Variants in OCIAD2 observed in about 807,000 individuals in gnomAD.
OCIAD2 encodes the protein OCIA domain containing 2.
Under a neutral mutation model 22.9 loss-of-function variants are expected in OCIAD2, and 29 were observed. That is an observed-to-expected ratio of 1.27 (90% CI 0.94 to 1.73). The LOEUF is 1.73. Among genes scored for constraint, OCIAD2 ranks in the 40% most tolerant of loss-of-function variants. OCIAD2 has a pLI of 0.00. For missense variants in OCIAD2, 189 were observed against 180.3 expected, an observed-to-expected ratio of 1.05 and a Z score of -0.28; for synonymous variants, 67 against 60.2, an observed-to-expected ratio of 1.11 and a Z score of -0.52.
intron 2 of OCIAD2, 50 bp from the exon 3 acceptor site, chr4:48,899,975 C>T (rs774407631): frequency 7.2e-7 from 1 of 1,380,932 alleles, no homozygotes; most frequent in Admixed American, 1.7e-5. Flanking sequence ...GAAAAATCAC[C>T]CACTTTGTTT....
chr4:48,903,070 G>T (rs1161417872), intron 2 of OCIAD2, among the ~76,000 whole-genome samples: 2 of 152,174 alleles, frequency 1.3e-5, no homozygotes, highest in Non-Finnish European at 2.9e-5. Context: ...TCTATCATTT[G>T]TCTGTTTGCC....
In OCIAD2 at chr4:48,897,791, T is replaced by C. The variant is rs561668699; in HGVS notation, c.217+13A>G. 37 of 1,598,484 alleles carry C rather than the reference T, an allele frequency of 2.3e-5. No homozygotes were observed. The highest frequency in any genetic ancestry group is 3.0e-5 in the Non-Finnish European group (35 of 1,166,068). The stretch of plus-strand genomic sequence containing the variant: ...CTCTGAAATTAGATTATTTAACAAA[T>C]ATTGAATCTTACCTTGGTAGACTAG... On this transcript the variant is annotated intron_variant, in intron 4 of 6. Transcript: ENST00000508632.
Position 48,904,495 on chromosome 4 carries a change from G to C in OCIAD2, c.55C>G (p.Pro19Ala), listed in dbSNP as rs771344213. 1.2e-6 allele frequency: 2 copies of C among 1,613,878 alleles called. No homozygotes were observed. The highest frequency in any genetic ancestry group is 2.7e-5 in the African/African-American group (2 of 75,022). Residue 19 changes from proline (P) to alanine (A), a missense_variant, in exon 2 of 7, where the codon CCA becomes GCA. By Grantham distance (27) the Pro-to-Ala change is conservative. Coordinates refer to ENST00000508632, the MANE Select transcript of OCIAD2 (RefSeq NM_001014446.3). Reference protein sequence around the residue: ...NQDKDAHFPPPSKQSLLFCPK... With the variant: ...NQDKDAHFPPASKQSLLFCPK... ...ATATAAAAGTATACCTGCTTGCTTG[G>C]TGGTGGAAAATGGGCATCTTTATCT...
chr4:48,893,180 C>T (rs111606658), intron 5 of OCIAD2: 371 of 195,848 alleles, frequency 1.9e-3, no homozygotes, highest in African/African-American at 8.1e-3. Context: ...GTTGAGGCCA[C>T]GGGGGCAGGG....
intron 6 of OCIAD2, among the ~76,000 whole-genome samples, chr4:48,890,297 C>T (rs1781131854): frequency 6.6e-6 from 1 of 151,774 alleles, no homozygotes; most frequent in African/African-American, 2.4e-5. Context: ...GTTTATGACC[C>T]CCAGAATTTC....
intron 6 of OCIAD2, among the ~76,000 whole-genome samples, chr4:48,886,730 C>A (rs1780999877): frequency 1.3e-5 from 2 of 152,120 alleles, no homozygotes; most frequent in Non-Finnish European, 1.5e-5. Context: ...TTTTCTTAAT[C>A]CAGTCTATCA....
intron 1 of OCIAD2, among the ~76,000 whole-genome samples, chr4:48,905,674 T>C (rs1298392745): frequency 1.3e-5 from 2 of 152,222 alleles, no homozygotes; most frequent in African/African-American, 2.4e-5. Flanking sequence ...GAACCTCTTA[T>C]ATACAATTCT....
At chr4:48,893,003 T>C (rs774378826) in intron 5 of OCIAD2, 114 bp from the exon 6 acceptor site, 70 of 619,942 alleles carry the variant, frequency 1.1e-4, no homozygotes, top group Non-Finnish European at 1.7e-4. Flanking sequence ...GCTAAATCAA[T>C]GAATGAAGAC....
At chr4:48,894,105 T>C in intron 4 of OCIAD2, 52 bp from the exon 5 acceptor site, 1 of 964,374 alleles carries the variant, frequency 1.0e-6, no homozygotes, top group Non-Finnish European at 1.4e-6. Context: ...AATTAAATTA[T>C]AAGTTATAAA....
At chr4:48,894,261 C>T (rs1439841136) in intron 4 of OCIAD2, among the ~76,000 whole-genome samples, 2 of 151,938 alleles carry the variant, frequency 1.3e-5, no homozygotes, top group African/African-American at 2.4e-5. Flanking sequence ...GAGGCCGAGG[C>T]GGGCAGATCA....
At chr4:48,887,571 C>T (rs1781027699) in intron 6 of OCIAD2, among the ~76,000 whole-genome samples, 1 of 152,130 alleles carries the variant, frequency 6.6e-6, no homozygotes, top group Admixed American at 6.5e-5. Flanking sequence ...GCCAGTTTTC[C>T]CAGCACCATT....
chr4:48,899,637 A>G (rs948928581), intron 3 of OCIAD2, among the ~76,000 whole-genome samples, 192 bp downstream of exon 3: 16 of 152,202 alleles, frequency 1.1e-4, no homozygotes, highest in African/African-American at 3.9e-4. Flanking sequence ...AGTGAGGTAA[A>G]GTGCTCCTTA....
At chr4:48,904,442 G>T in intron 2 of OCIAD2, 42 bp downstream of exon 2, 1 of 1,539,224 alleles carries the variant, frequency 6.5e-7, no homozygotes. Context: ...GTGTGAGATC[G>T]TGTCTCAATC....
At chr4:48,901,855 A>T (rs992855220) in intron 2 of OCIAD2, among the ~76,000 whole-genome samples, 1 of 152,060 alleles carries the variant, frequency 6.6e-6, no homozygotes, top group African/African-American at 2.4e-5. Flanking sequence ...TTAACCTCCC[A>T]CCTCAGCCTC....
intron 6 of OCIAD2, among the ~76,000 whole-genome samples, chr4:48,892,537 A>G (rs1781199621): frequency 6.6e-6 from 1 of 152,222 alleles, no homozygotes; most frequent in Non-Finnish European, 1.5e-5. Flanking sequence ...TAACTTGCAC[A>G]ATGTTTGAAC....
chr4:48,885,549 A>C lies in OCIAD2; in HGVS notation c.400T>G (p.Cys134Gly), dbSNP rs1399069314. The change falls in exon 7 of 7, where the codon TGT becomes GGT. Residue 134 changes from cysteine to glycine, a missense_variant. Physicochemically the swap from Cys to Gly is radical, Grantham distance 159. Transcript: ENST00000508632. ...CCATGCTTTATTTTGCATTCCTCAC[A>C]GGTAAGGAGGCAGTGCCTAGAAGAG... ...PQHNRHCLLTCEECKIKHGLS... is the reference protein window; with the variant it reads ...PQHNRHCLLTGEECKIKHGLS... 6.2e-7 allele frequency: 1 copy of C among 1,606,102 alleles called. No homozygotes were observed. The highest frequency in any genetic ancestry group is 2.2e-5 in the East Asian group (1 of 44,854).
rs1208812523 is a variant in OCIAD2, at chr4:48,904,472, A to G, written c.66+12T>C. On this transcript the variant is annotated intron_variant, in intron 2 of 6. Coordinates refer to ENST00000508632, the MANE Select transcript of OCIAD2 (RefSeq NM_001014446.3). The stretch of plus-strand genomic sequence containing the variant: ...TCAATCAATGAATCGATCAATAAAT[A>G]TAAAAGTATACCTGCTTGCTTGGTG... 2.5e-6 allele frequency: 4 copies of G among 1,611,734 alleles called. 1 individual carries two copies. Among genetic ancestry groups the G allele is most frequent in the Non-Finnish European group, 8.5e-7 (1 of 1,177,770 alleles).
intron 6 of OCIAD2, among the ~76,000 whole-genome samples, chr4:48,887,838 T>C (rs1399306768): frequency 6.6e-6 from 1 of 152,168 alleles, no homozygotes; most frequent in Non-Finnish European, 1.5e-5. Context: ...TTTGGTTCCA[T>C]ATGAATTTTA....
At chr4:48,893,184 G>C (rs1280986202) in intron 5 of OCIAD2, 1 of 190,872 alleles carries the variant, frequency 5.2e-6, no homozygotes, top group Non-Finnish European at 1.1e-5. Flanking sequence ...AGGCCACGGG[G>C]GCAGGGGAAG....
Sources: gnomAD v4.1 joint callset for allele counts (sites outside exome capture counted in the v4.1 genomes callset) on GRCh38, gnomAD v4.1.1 for gene constraint, MANE v1.5 for transcripts, NCBI Gene and HGNC (gene_info 2026-07-23, HGNC 2026-07-21) for gene names.